The following TRAF3 variants were observed in gnomAD, a reference collection of about 807,000 sequenced individuals.
TRAF3 encodes the protein TNF receptor associated factor 3.
Under a neutral mutation model 62.3 loss-of-function variants are expected in TRAF3, and 13 were observed. The ratio of observed to expected loss-of-function variants is 0.21; its 90% CI spans 0.14 to 0.33. The LOEUF (loss-of-function observed/expected upper bound fraction) is 0.33, where lower values mean the gene tolerates loss of function less well. Ranked by LOEUF, TRAF3 falls within the 10% of genes least tolerant of loss-of-function variation. The pLI is 1.00. For synonymous variants in TRAF3, 269 were observed against 283.4 expected, an observed-to-expected ratio of 0.95 and a Z score of 0.51; for missense variants, 440 against 741.8, an observed-to-expected ratio of 0.59 and a Z score of 4.73.
intron 2 of TRAF3, among the ~76,000 whole-genome samples, chr14:102,860,909 A>C (rs748666850): frequency 6.6e-6 from 1 of 152,272 alleles, no homozygotes; most frequent in African/African-American, 2.4e-5. Flanking sequence ...ACAAAGAGAA[A>C]GTACTGCCAT....
chr14:102,884,221 C>G (rs1191391669), intron 6 of TRAF3, among the ~76,000 whole-genome samples: 1 of 152,230 alleles, frequency 6.6e-6, no homozygotes, highest in Non-Finnish European at 1.5e-5. Flanking sequence ...CTGCACCACT[C>G]CAACCTCTGC....
At chr14:102,781,187 C>T (rs1031916824) in intron 1 of TRAF3, among the ~76,000 whole-genome samples, 2 of 152,178 alleles carry the variant, frequency 1.3e-5, no homozygotes, top group Non-Finnish European at 2.9e-5. Context: ...GGCCCCCTCC[C>T]ACTTTGTTTT....
intron 1 of TRAF3, among the ~76,000 whole-genome samples, chr14:102,808,720 T>A (rs1053974681): frequency 6.6e-6 from 1 of 152,162 alleles, no homozygotes; most frequent in African/African-American, 2.4e-5. Context: ...TTTTCAGTAT[T>A]TGGGGAAAAT....
intron 1 of TRAF3, among the ~76,000 whole-genome samples, chr14:102,804,275 A>G (rs1898636139): frequency 6.6e-6 from 1 of 152,114 alleles, no homozygotes; most frequent in African/African-American, 2.4e-5. Flanking sequence ...AGAGACTTAC[A>G]ATCTTCAGTT....
At chr14:102,891,992 G>C (rs1275232459) in intron 9 of TRAF3, among the ~76,000 whole-genome samples, 1 of 151,108 alleles carries the variant, frequency 6.6e-6, no homozygotes, top group Non-Finnish European at 1.5e-5. Flanking sequence ...TGTGAAACTT[G>C]GTGCGCTCTC....
chr14:102,822,440 A>G (rs1900043911), intron 1 of TRAF3, among the ~76,000 whole-genome samples: 1 of 152,358 alleles, frequency 6.6e-6, no homozygotes, highest in South Asian at 2.1e-4. Context: ...TATTTAAGCT[A>G]TGAATTTACC....
intron 1 of TRAF3, among the ~76,000 whole-genome samples, chr14:102,781,178 G>A (rs79474970): frequency 4.2e-5 from 6 of 143,974 alleles, no homozygotes; most frequent in African/African-American, 1.2e-4. Context: ...CTCTTACAGG[G>A]CCCCCTCCCA....
chr14:102,786,985 C>A (rs942155780), intron 1 of TRAF3, among the ~76,000 whole-genome samples: 1 of 152,050 alleles, frequency 6.6e-6, no homozygotes, highest in Non-Finnish European at 1.5e-5. Flanking sequence ...CTGGGTGACT[C>A]AGTGAGATCC....
intron 10 of TRAF3, among the ~76,000 whole-genome samples, chr14:102,901,959 C>A (rs1480318488): frequency 6.6e-6 from 1 of 152,250 alleles, no homozygotes; most frequent in Non-Finnish European, 1.5e-5. Context: ...CCAGCCATCA[C>A]AAGCTGCTTG....
intron 11 of TRAF3, among the ~76,000 whole-genome samples, chr14:102,904,370 A>G (rs1298550769): frequency 6.6e-6 from 1 of 152,110 alleles, no homozygotes; most frequent in Non-Finnish European, 1.5e-5. Flanking sequence ...AGTGATTTTT[A>G]TATTGTTGCT....
intron 1 of TRAF3, among the ~76,000 whole-genome samples, chr14:102,789,291 C>T (rs1897668770): frequency 6.6e-6 from 1 of 152,178 alleles, no homozygotes; most frequent in African/African-American, 2.4e-5. Flanking sequence ...ATTATTTTCA[C>T]TGACTATTAA....
intron 2 of TRAF3, among the ~76,000 whole-genome samples, chr14:102,861,723 A>G (rs1474400086): frequency 1.3e-5 from 2 of 152,190 alleles, no homozygotes; most frequent in Non-Finnish European, 2.9e-5. Context: ...AAGTGAAAGC[A>G]AGTTTATTAT....
At chr14:102,832,820 G>A (rs1346728718) in intron 2 of TRAF3, among the ~76,000 whole-genome samples, 1 of 150,644 alleles carries the variant, frequency 6.6e-6, no homozygotes, top group South Asian at 2.1e-4. Context: ...ATTAGAACGG[G>A]TTTTTTTTTC....
intron 3 of TRAF3, 131 bp from the exon 4 acceptor site, chr14:102,871,786 G>A (rs1290502226): frequency 7.5e-6 from 6 of 797,002 alleles, no homozygotes; most frequent in African/African-American, 5.1e-5. Flanking sequence ...TCACCAGGGC[G>A]TCCTGAAGCT....
intron 2 of TRAF3, among the ~76,000 whole-genome samples, chr14:102,865,201 G>T (rs1308586196): frequency 6.6e-6 from 1 of 152,076 alleles, no homozygotes; most frequent in Non-Finnish European, 1.5e-5. Context: ...TGAGGTGTCT[G>T]TCTCCTGCTT....
chr14:102,823,849 A>C (rs1032470687), intron 1 of TRAF3, among the ~76,000 whole-genome samples: 4 of 151,730 alleles, frequency 2.6e-5, no homozygotes, highest in Non-Finnish European at 5.9e-5. Context: ...CATTCTATGG[A>C]AATGCGGTTG....
intron 1 of TRAF3, among the ~76,000 whole-genome samples, chr14:102,778,888 A>C (rs1236860474): frequency 2.0e-5 from 3 of 152,204 alleles, no homozygotes; most frequent in African/African-American, 7.2e-5. Context: ...ATGGCCTGTG[A>C]ACAGACTGCA....
At chr14:102,896,379 A>G (rs772502964) in intron 9 of TRAF3, among the ~76,000 whole-genome samples, 1 of 152,222 alleles carries the variant, frequency 6.6e-6, no homozygotes, top group African/African-American at 2.4e-5. Context: ...TTTAGATCCC[A>G]CGTCTAAATG....
intron 1 of TRAF3, among the ~76,000 whole-genome samples, chr14:102,778,170 G>T (rs2140036394): frequency 6.6e-6 from 1 of 151,162 alleles, no homozygotes; most frequent in South Asian, 2.1e-4. Flanking sequence ...AGGCGCCTCC[G>T]ACCGCTTGGC....
Sources: allele counts gnomAD v4.1 joint callset (sites outside exome capture counted in the v4.1 genomes callset), GRCh38; gene constraint gnomAD v4.1.1; transcripts MANE v1.5; gene names NCBI Gene and HGNC (gene_info 2026-07-23, HGNC 2026-07-21).